Variants in SGCZ observed in about 807,000 individuals in gnomAD.
SGCZ encodes the protein sarcoglycan zeta.
In SGCZ, 40 loss-of-function variants were observed where a neutral mutation model predicts 41.3. The ratio of observed to expected loss-of-function variants is 0.97; its 90% CI spans 0.75 to 1.26. The LOEUF (loss-of-function observed/expected upper bound fraction) is 1.26, where lower values mean the gene tolerates loss of function less well. Among genes scored for constraint, SGCZ ranks in the 50% most tolerant of loss-of-function variants. The pLI, the probability that SGCZ is intolerant of heterozygous loss-of-function variation, is 0.00. For synonymous variants in SGCZ, 206 were observed against 137.5 expected (o/e 1.50, Z -3.49); for missense variants, 552 against 369.8 (o/e 1.49, Z -4.04).
At chr8:15,188,377 C>T (rs1800417518) in intron 1 of SGCZ, among the ~76,000 whole-genome samples, 1 of 152,074 alleles carries the variant, frequency 6.6e-6, no homozygotes, top group Non-Finnish European at 1.5e-5. Flanking sequence ...TTTAAAGTAT[C>T]TCTCTGTTAA....
intron 3 of SGCZ, among the ~76,000 whole-genome samples, chr8:14,313,807 G>A (rs1304058835): frequency 6.6e-6 from 1 of 152,032 alleles, no homozygotes; most frequent in African/African-American, 2.4e-5. Flanking sequence ...TTATAGAATA[G>A]CAATCTGAGC....
chr8:14,363,452 T>A (rs147653910), intron 2 of SGCZ, among the ~76,000 whole-genome samples: 1 of 152,202 alleles, frequency 6.6e-6, no homozygotes, highest in Non-Finnish European at 1.5e-5. Flanking sequence ...TTTTGTTTTA[T>A]GCCCGTAGGT....
At chr8:15,140,898 G>A (rs1808297086) in intron 1 of SGCZ, among the ~76,000 whole-genome samples, 1 of 152,176 alleles carries the variant, frequency 6.6e-6, no homozygotes, top group Non-Finnish European at 1.5e-5. Context: ...TTTTTGCAGT[G>A]ACAAGTTGTG....
At chr8:15,111,729 G>C (rs1319126448) in intron 1 of SGCZ, among the ~76,000 whole-genome samples, 1 of 151,962 alleles carries the variant, frequency 6.6e-6, no homozygotes, top group African/African-American at 2.4e-5. Context: ...GTGAAACCCT[G>C]TCTCCACTAA....
At chr8:14,632,899 T>A (rs965781382) in intron 1 of SGCZ, among the ~76,000 whole-genome samples, 1 of 152,164 alleles carries the variant, frequency 6.6e-6, no homozygotes, top group East Asian at 1.9e-4. Flanking sequence ...ATTTAAACTA[T>A]GTAAAAATGA....
At position 14,819,757 on chromosome 8, in the gene SGCZ, T is replaced by C. The variant is rs183337012; in HGVS notation, c.40-264831A>G. The stretch of plus-strand genomic sequence containing the variant: ...GAGAAGAGGGAAAAATTGTAGAGTA[T>C]TTCTATGTGACCAAAGTCAAGTTGC... On this transcript the variant is annotated intron_variant, in intron 1 of 7. Transcript: ENST00000382080. Among the ~76,000 whole-genome samples, 6 of 152,272 alleles carry C rather than the reference T, an allele frequency of 3.9e-5. No individual in the cohort carries two copies. The East Asian group carries it at 1.2e-3, about 29-fold the overall frequency.
chr8:14,363,758 C>T (rs1307528468), intron 2 of SGCZ, among the ~76,000 whole-genome samples: 5 of 152,124 alleles, frequency 3.3e-5, no homozygotes, highest in African/African-American at 4.8e-5. Context: ...TGGCAGACTG[C>T]TTCTCCTCTT....
At chr8:14,519,878 A>T (rs560642769) in intron 2 of SGCZ, among the ~76,000 whole-genome samples, 1 of 152,160 alleles carries the variant, frequency 6.6e-6, no homozygotes, top group Non-Finnish European at 1.5e-5. Flanking sequence ...TGTCTTACAC[A>T]CTTCAACCTT....
chr8:14,934,994 T>G (rs1800038482), intron 1 of SGCZ, among the ~76,000 whole-genome samples: 1 of 149,314 alleles, frequency 6.7e-6, no homozygotes, highest in African/African-American at 2.5e-5. Flanking sequence ...AATAAACAGC[T>G]TTTAAAAAGG....
chr8:15,173,521 G>A (rs1480592796), intron 1 of SGCZ, among the ~76,000 whole-genome samples: 1 of 152,080 alleles, frequency 6.6e-6, no homozygotes, highest in Non-Finnish European at 1.5e-5. Flanking sequence ...ATTAAATGGA[G>A]GAGTGCCTTG....
intron 3 of SGCZ, among the ~76,000 whole-genome samples, chr8:14,294,635 G>T (rs1307294930): frequency 6.6e-6 from 1 of 151,894 alleles, no homozygotes; most frequent in African/African-American, 2.4e-5. Context: ...AAGTCCAGCT[G>T]ATCCCTTTAA....
intron 1 of SGCZ, among the ~76,000 whole-genome samples, chr8:14,716,278 G>C (rs866461504): frequency 2.1e-4 from 32 of 151,896 alleles, no homozygotes; most frequent in African/African-American, 7.5e-4. Context: ...TAGACTAGAA[G>C]AGAAAAATAG....
chr8:14,503,881 AT>A (rs1802228608), intron 2 of SGCZ, among the ~76,000 whole-genome samples: 1 of 152,222 alleles, frequency 6.6e-6, no homozygotes, highest in Non-Finnish European at 1.5e-5. Flanking sequence ...ATAGGTAATC[AT>A]TTAAAACCTT....
intron 1 of SGCZ, among the ~76,000 whole-genome samples, chr8:14,680,225 G>T (rs1032458522): frequency 3.3e-5 from 5 of 152,060 alleles, no homozygotes; most frequent in Non-Finnish European, 5.9e-5. Context: ...GGCAAAACAT[G>T]GTGGAATTTT....
intron 1 of SGCZ, among the ~76,000 whole-genome samples, chr8:14,795,304 T>C (rs758337353): frequency 3.9e-5 from 6 of 152,192 alleles, no homozygotes; most frequent in Non-Finnish European, 7.3e-5. Flanking sequence ...AAGAAAATGG[T>C]TGTAAGCCCA....
intron 1 of SGCZ, among the ~76,000 whole-genome samples, chr8:14,977,008 A>T (rs1801500062): frequency 6.6e-6 from 1 of 152,242 alleles, no homozygotes; most frequent in Non-Finnish European, 1.5e-5. Flanking sequence ...AACATGCAAT[A>T]GCACATGGAG....
At chr8:14,742,835 C>T (rs932424831) in intron 1 of SGCZ, among the ~76,000 whole-genome samples, 3 of 151,950 alleles carry the variant, frequency 2.0e-5, no homozygotes, top group African/African-American at 7.2e-5. Flanking sequence ...TTACACTTTA[C>T]CTTTATCACA....
chr8:14,586,450 C>A (rs1014408974), intron 1 of SGCZ, among the ~76,000 whole-genome samples: 1 of 152,148 alleles, frequency 6.6e-6, no homozygotes, highest in Non-Finnish European at 1.5e-5. Flanking sequence ...TGGGCTCAAG[C>A]AATCTGCCCG....
At chr8:14,532,222 A>C (rs1300593675) in intron 2 of SGCZ, among the ~76,000 whole-genome samples, 1 of 149,384 alleles carries the variant, frequency 6.7e-6, no homozygotes, top group Non-Finnish European at 1.5e-5. Context: ...ATAGAGAAGA[A>C]ATTAATTTGA....
Sources: gnomAD v4.1 joint callset for allele counts (sites outside exome capture counted in the v4.1 genomes callset) on GRCh38, gnomAD v4.1.1 for gene constraint, MANE v1.5 for transcripts, NCBI Gene and HGNC (gene_info 2026-07-23, HGNC 2026-07-21) for gene names.